RORA: variants seen among roughly 807,000 people sequenced by gnomAD.
RORA encodes nuclear receptor ROR-alpha.
A neutral mutation model predicts 69.5 loss-of-function variants in RORA; 7 were observed. The observed-to-expected ratio is 0.10, with a 90% CI of 0.06 to 0.19. The LOEUF is 0.19. Ranked by LOEUF, RORA falls within the 10% of genes least tolerant of loss-of-function variation. RORA has a pLI of 1.00. For missense variants in RORA, 457 were observed against 663.0 expected (o/e 0.69, Z 3.41); for synonymous variants, 261 against 240.8 (o/e 1.08, Z -0.78).
intron 1 of RORA, among the ~76,000 whole-genome samples, chr15:60,698,137 A>G (rs2070931357): frequency 6.6e-6 from 1 of 152,060 alleles, no homozygotes; most frequent in African/African-American, 2.4e-5. Context: ...TTTTATATAT[A>G]CTCCATGCTT....
Position 60,491,688 on chromosome 15 carries a change from G to A in RORA, c.*5767C>T, listed in dbSNP as rs2065043524. On this transcript the variant is annotated 3_prime_UTR_variant, in exon 11 of 11. Coordinates refer to ENST00000335670, the MANE Select transcript of RORA (RefSeq NM_134261.3). ...GATTCTTTTAAAAATTATTCTGAGA[G>A]CCTGACAACACTGATCTCACCTACA... 1 of 151,522 alleles carries A rather than the reference G, an allele frequency of 6.6e-6. No homozygotes were observed. The highest frequency in any genetic ancestry group is 2.1e-4 in the South Asian group (1 of 4,788). The allele number at this position is 151,522 out of a possible 1,614,324, so 9.4% of individuals were successfully genotyped here.
intron 1 of RORA, among the ~76,000 whole-genome samples, chr15:61,183,609 A>C (rs1034752411): frequency 9.2e-5 from 14 of 151,938 alleles, no homozygotes; most frequent in African/African-American, 3.4e-4. Context: ...CCTCCTTTCA[A>C]ACCCTTGTTA....
intron 1 of RORA, among the ~76,000 whole-genome samples, chr15:60,768,488 A>C (rs2072022544): frequency 6.6e-6 from 1 of 152,228 alleles, no homozygotes; most frequent in South Asian, 2.1e-4. Flanking sequence ...ATATGCCTCC[A>C]AATCACTGGC....
chr15:60,718,476 A>G (rs1222747957), intron 1 of RORA, among the ~76,000 whole-genome samples: 2 of 152,240 alleles, frequency 1.3e-5, no homozygotes, highest in Non-Finnish European at 2.9e-5. Flanking sequence ...AATTGAATAG[A>G]AAAAACACTC....
rs1567051481 is a variant in RORA, at chr15:60,516,031, ATATATATT to A, written c.283-1282_283-1275del. On this transcript the variant is annotated intron_variant, in intron 3 of 10. Coordinates refer to ENST00000335670, the MANE Select transcript of RORA (RefSeq NM_134261.3). The stretch of plus-strand genomic sequence containing the variant: ...TATATTTATATATATTTATATATTT[ATATATATT>A]TATATATTTATATATATTTATATAT... Among the ~76,000 whole-genome samples the A allele has an allele frequency of 3.0e-3, 31 of 10,332 alleles. 5 individuals are homozygous for A. Among genetic ancestry groups the A allele is most frequent in the East Asian group, 0.025 (4 of 162 alleles). 6.8% of individuals were successfully genotyped at this position (10,332 alleles called of 152,430 possible).
At chr15:60,641,903 G>A (rs1359748830) in intron 2 of RORA, among the ~76,000 whole-genome samples, 1 of 152,134 alleles carries the variant, frequency 6.6e-6, no homozygotes, top group Non-Finnish European at 1.5e-5. Context: ...TGCATGTCAA[G>A]TATTTGTATG....
chr15:60,761,689 G>C (rs2071894947), intron 1 of RORA, among the ~76,000 whole-genome samples: 1 of 152,124 alleles, frequency 6.6e-6, no homozygotes, highest in Admixed American at 6.5e-5. Flanking sequence ...TCTGGGGGTA[G>C]ACTTCTGTCC....
At chr15:61,015,086 T>A (rs1000452964) in intron 1 of RORA, among the ~76,000 whole-genome samples, 5 of 152,206 alleles carry the variant, frequency 3.3e-5, no homozygotes, top group African/African-American at 1.2e-4. Flanking sequence ...AAGCACCTCA[T>A]TAATTACCAT....
At chr15:60,661,623 C>A (rs1289962234) in intron 2 of RORA, among the ~76,000 whole-genome samples, 1 of 152,180 alleles carries the variant, frequency 6.6e-6, no homozygotes, top group African/African-American at 2.4e-5. Context: ...GAAGAATAAT[C>A]TCAATTAACT....
At chr15:60,599,941 C>T (rs2068776772) in intron 2 of RORA, among the ~76,000 whole-genome samples, 1 of 152,148 alleles carries the variant, frequency 6.6e-6, no homozygotes, top group African/African-American at 2.4e-5. Flanking sequence ...CATCACAGCA[C>T]ACCAAGGAAG....
chr15:60,938,810 A>G (rs1892604278), intron 1 of RORA, among the ~76,000 whole-genome samples: 1 of 152,254 alleles, frequency 6.6e-6, no homozygotes, highest in Admixed American at 6.5e-5. Flanking sequence ...AAATCTGCCT[A>G]GATCTGCCAC....
intron 1 of RORA, chr15:61,193,955 C>T (rs772629983): frequency 1.3e-5 from 2 of 152,194 alleles, no homozygotes; most frequent in South Asian, 4.1e-4. Context: ...TTGGAAGCAG[C>T]TCCACAGTAA....
At chr15:61,117,017 A>T (rs1478831329) in intron 1 of RORA, among the ~76,000 whole-genome samples, 2 of 152,150 alleles carry the variant, frequency 1.3e-5, no homozygotes, top group Non-Finnish European at 2.9e-5. Flanking sequence ...GTCAAAATAC[A>T]TCAGCTTCAA....
At chr15:61,066,418 C>CTTTTTTTTTTTTTTTT (rs1168663714) in intron 1 of RORA, among the ~76,000 whole-genome samples, 23 of 80,964 alleles carry the variant, frequency 2.8e-4, no homozygotes, top group South Asian at 4.5e-4. Flanking sequence ...GGGCATATTC[C>CTTTTTTTTTTTTTTTT]TTTTTTTTTT....
At chr15:60,504,423 G>A (rs934106186) in intron 6 of RORA, among the ~76,000 whole-genome samples, 5 of 151,996 alleles carry the variant, frequency 3.3e-5, no homozygotes, top group African/African-American at 7.2e-5. Context: ...GGTACACACC[G>A]GTACTCCCAG....
chr15:60,953,787 A>G (rs1187156749), intron 1 of RORA, among the ~76,000 whole-genome samples: 2 of 151,748 alleles, frequency 1.3e-5, no homozygotes, highest in East Asian at 2.0e-4. Flanking sequence ...AAAAGTCAGG[A>G]AACAACAGGT....
chr15:60,709,847 A>T (rs1006353601), intron 1 of RORA, among the ~76,000 whole-genome samples: 3 of 150,936 alleles, frequency 2.0e-5, no homozygotes, highest in Non-Finnish European at 4.4e-5. Flanking sequence ...ATCCCCCAAC[A>T]CTCCTGCCCC....
At chr15:60,538,706 C>A in intron 2 of RORA, among the ~76,000 whole-genome samples, 1 of 152,098 alleles carries the variant, frequency 6.6e-6, no homozygotes, top group East Asian at 1.9e-4. Flanking sequence ...CTTGACCTAG[C>A]TTTATCTAGG....
intron 1 of RORA, among the ~76,000 whole-genome samples, chr15:60,991,470 TATCAA>T (rs1449768444): frequency 6.6e-6 from 1 of 152,156 alleles, no homozygotes; most frequent in Non-Finnish European, 1.5e-5. Context: ...AGGCAATACA[TATCAA>T]AAGTCCTAAA....
Sources: allele counts gnomAD v4.1 joint callset (sites outside exome capture counted in the v4.1 genomes callset), GRCh38; gene constraint gnomAD v4.1.1; transcripts MANE v1.5; gene names NCBI Gene and HGNC (gene_info 2026-07-23, HGNC 2026-07-21).